The following AGBL4 variants were observed in gnomAD, a reference collection of about 807,000 sequenced individuals.
AGBL4 encodes the protein AGBL carboxypeptidase 4.
A neutral mutation model predicts 66.4 loss-of-function variants in AGBL4; 58 were observed. The ratio of observed to expected loss-of-function variants is 0.87; its 90% CI spans 0.71 to 1.09. AGBL4 has a LOEUF of 1.09. Among genes scored for constraint, AGBL4 ranks in the 50% least tolerant of loss-of-function variants. AGBL4 has a pLI of 0.00. For synonymous variants in AGBL4, 234 were observed against 222.9 expected (o/e 1.05, Z -0.44); for missense variants, 579 against 631.0 (o/e 0.92, Z 0.88).
At chr1:49,102,399 TAA>T (rs1311909964) in intron 4 of AGBL4, among the ~76,000 whole-genome samples, 1 of 152,160 alleles carries the variant, frequency 6.6e-6, no homozygotes, top group African/African-American at 2.4e-5. Flanking sequence ...TGGTTTGAAA[TAA>T]AAGTTTTGTT....
chr1:50,021,117 C>T (rs1295803853), intron 1 of AGBL4, among the ~76,000 whole-genome samples: 1 of 152,196 alleles, frequency 6.6e-6, no homozygotes, highest in Non-Finnish European at 1.5e-5. Context: ...GTTGCTAAAT[C>T]TAGTTTTTTA....
At chr1:48,634,455 C>T (rs1326833723) in intron 9 of AGBL4, 38 bp downstream of exon 9, 2 of 1,502,626 alleles carry the variant, frequency 1.3e-6, no homozygotes, top group Admixed American at 3.9e-5. Flanking sequence ...CAGATCAAGC[C>T]ATAGATCAGC....
At chr1:48,609,991 T>C (rs1349560261) in intron 9 of AGBL4, among the ~76,000 whole-genome samples, 1 of 152,238 alleles carries the variant, frequency 6.6e-6, no homozygotes, top group Non-Finnish European at 1.5e-5. Flanking sequence ...ACTTGAACCC[T>C]GTTCCCCCAC....
intron 1 of AGBL4, among the ~76,000 whole-genome samples, chr1:49,955,210 C>T (rs762029550): frequency 6.6e-6 from 1 of 151,908 alleles, no homozygotes; most frequent in Non-Finnish European, 1.5e-5. Flanking sequence ...AAGATTTCAA[C>T]CTGTTTCAAG....
At chr1:49,626,716 G>A (rs893227380) in intron 3 of AGBL4, among the ~76,000 whole-genome samples, 1 of 151,722 alleles carries the variant, frequency 6.6e-6, no homozygotes, top group Non-Finnish European at 1.5e-5. Flanking sequence ...AGAGGAAGCA[G>A]TAGCTAGGTC....
At chr1:49,216,125 C>CA (rs1425923852) in intron 4 of AGBL4, among the ~76,000 whole-genome samples, 4 of 152,124 alleles carry the variant, frequency 2.6e-5, no homozygotes, top group African/African-American at 9.7e-5. Flanking sequence ...CTCATACTAA[C>CA]AGTAAATTAC....
intron 4 of AGBL4, among the ~76,000 whole-genome samples, chr1:49,071,389 A>C (rs1343255287): frequency 3.3e-5 from 5 of 151,928 alleles, no homozygotes; most frequent in Non-Finnish European, 5.9e-5. Context: ...TTAGTGCTAT[A>C]AATTTCCCTC....
At chr1:49,087,031 T>G (rs552894192) in intron 4 of AGBL4, among the ~76,000 whole-genome samples, 1 of 135,166 alleles carries the variant, frequency 7.4e-6, no homozygotes, top group Non-Finnish European at 1.6e-5. Context: ...TAAGAGAAGG[T>G]AAAAGAAAAA....
chr1:48,544,579 C>CA (rs1251969603), intron 11 of AGBL4, among the ~76,000 whole-genome samples: 2 of 151,956 alleles, frequency 1.3e-5, no homozygotes, highest in African/African-American at 2.4e-5. Flanking sequence ...TGTTTGTAAC[C>CA]AAAAAAATGG....
At chr1:49,844,884 G>A (rs1646096026) in intron 2 of AGBL4, 12 of 1,433,234 alleles carry the variant, frequency 8.4e-6, no homozygotes, top group Non-Finnish European at 1.2e-5. Context: ...CAGCCTTGAT[G>A]CCTTTGAAGA....
chr1:48,966,668 T>G (rs140397360), intron 5 of AGBL4, among the ~76,000 whole-genome samples: 7 of 152,224 alleles, frequency 4.6e-5, no homozygotes, highest in Middle Eastern at 3.4e-3. Context: ...CAGAAAAATG[T>G]TTTCAATTTA....
At chr1:49,737,386 A>G (rs1165843162) in intron 2 of AGBL4, among the ~76,000 whole-genome samples, 1 of 152,256 alleles carries the variant, frequency 6.6e-6, no homozygotes, top group African/African-American at 2.4e-5. Flanking sequence ...TTGCAGCAAC[A>G]TGGATGCAGC....
chr1:48,894,947 C>T (rs1002100478), intron 5 of AGBL4, among the ~76,000 whole-genome samples: 4 of 152,190 alleles, frequency 2.6e-5, no homozygotes, highest in African/African-American at 9.6e-5. Context: ...CTTTACCTCT[C>T]TAGACAAAGT....
intron 2 of AGBL4, among the ~76,000 whole-genome samples, chr1:49,836,779 G>C (rs990769905): frequency 1.5e-4 from 23 of 152,244 alleles, no homozygotes; most frequent in Admixed American, 7.2e-4. Context: ...TGTCCTTTTT[G>C]TTGATGTTGA....
At chr1:49,577,301 C>A (rs987995526) in intron 3 of AGBL4, among the ~76,000 whole-genome samples, 1 of 152,188 alleles carries the variant, frequency 6.6e-6, no homozygotes, top group African/African-American at 2.4e-5. Context: ...GCCCAATGGG[C>A]CCATGAATAA....
chr1:49,883,216 T>A (rs1378624612), intron 1 of AGBL4, among the ~76,000 whole-genome samples: 1 of 152,188 alleles, frequency 6.6e-6, no homozygotes, highest in African/African-American at 2.4e-5. Context: ...GTAGCAGTTA[T>A]GTTTATAGCG....
chr1:48,790,326 A>T (rs906057685), intron 6 of AGBL4, among the ~76,000 whole-genome samples: 1 of 152,218 alleles, frequency 6.6e-6, no homozygotes, highest in African/African-American at 2.4e-5. Flanking sequence ...ACCAGAATGA[A>T]AAGACAGACA....
intron 6 of AGBL4, among the ~76,000 whole-genome samples, chr1:48,855,653 A>G (rs1647131906): frequency 2.0e-5 from 3 of 152,222 alleles, no homozygotes; most frequent in African/African-American, 4.8e-5. Flanking sequence ...TAAAAAACTA[A>G]TATAAAAAAG....
intron 6 of AGBL4, among the ~76,000 whole-genome samples, chr1:48,672,599 C>A (rs1239997114): frequency 2.0e-5 from 3 of 152,222 alleles, no homozygotes; most frequent in Admixed American, 1.3e-4. Flanking sequence ...CAGAAAAGAT[C>A]TGTTCCTTAA....
Sources: allele counts gnomAD v4.1 joint callset (sites outside exome capture counted in the v4.1 genomes callset), GRCh38; gene constraint gnomAD v4.1.1; transcripts MANE v1.5; gene names NCBI Gene and HGNC (gene_info 2026-07-23, HGNC 2026-07-21).